Variants in TKTL1 observed in about 807,000 individuals in gnomAD.
The protein encoded by TKTL1 is transketolase like 1, also known as transketolase-like protein 1.
TKTL1 carries 1 observed loss-of-function variant against 39.3 expected under a neutral mutation model. The ratio of observed to expected loss-of-function variants is 0.03; its 90% CI spans 0.01 to 0.12. TKTL1 has a LOEUF of 0.12. Ranked by LOEUF, TKTL1 falls within the 10% of genes least tolerant of loss-of-function variation. The pLI is 1.00. For missense variants in TKTL1, 575 were observed against 509.6 expected (o/e 1.13, Z -1.24); for synonymous variants, 262 against 193.8 (o/e 1.35, Z -2.92).
rs781978354 is a variant in TKTL1 at position 154,312,572 on chromosome X, C to T, written c.671-8C>T. 2.5e-6 allele frequency: 3 copies of T among 1,202,369 alleles called. No homozygotes were observed. The highest frequency in any genetic ancestry group is 1.7e-5 in the African/African-American group (1 of 57,501). On this transcript the variant is annotated splice_polypyrimidine_tract_variant and splice_region_variant and intron_variant, in intron 5 of 12. Coordinates refer to ENST00000369915, the MANE Select transcript of TKTL1 (RefSeq NM_012253.4). ...TGGAATGGATGTCTTTTGTTTGTTT[C>T]ATTACAGGTATTGAGGATGCAGAAA... is the stretch of plus-strand genomic sequence containing the variant.
At chrX:154,326,575 T>C (rs1307544700) in intron 10 of TKTL1, among the ~76,000 whole-genome samples, 1 of 112,441 alleles carries the variant, frequency 8.9e-6, no homozygotes, top group African/African-American at 3.2e-5. Flanking sequence ...AGCAGGTGTT[T>C]CCAGAACTGT....
rs975423508 is a variant in TKTL1 at position 154,315,280 on chromosome X, A to G, written c.972A>G (p.Ile324Met). ...GDTRYSTFSE[I>M]FNKEYPERFI... Reference sequence around the variant, plus strand: ...CCAGGTACTCTACTTTCTCTGAGATATTCAACAAGGAGTACCCTGAGCGCT... The same window carrying G: ...CCAGGTACTCTACTTTCTCTGAGATGTTCAACAAGGAGTACCCTGAGCGCT... The change falls in exon 7 of 13, where the codon ATA becomes ATG. Residue 324 changes from isoleucine (I) to methionine (M), a missense_variant. Physicochemically the swap from Ile to Met is conservative, Grantham distance 10. Transcript: ENST00000369915. 3.3e-6 allele frequency: 4 copies of G among 1,209,457 alleles called. No homozygotes were observed. In the African/African-American group the frequency reaches 5.3e-5, roughly 16 times the overall value.
At chrX:154,299,402 A>G (rs1380354803) in intron 1 of TKTL1, among the ~76,000 whole-genome samples, 2 of 106,061 alleles carry the variant, frequency 1.9e-5, no homozygotes, top group African/African-American at 6.9e-5. Context: ...TGATCCGCCC[A>G]CCTCGGCTTC....
intron 1 of TKTL1, among the ~76,000 whole-genome samples, chrX:154,302,209 C>G (rs1380002030): frequency 9.2e-6 from 1 of 109,035 alleles, no homozygotes; most frequent in East Asian, 2.8e-4. Flanking sequence ...TTTTTTTTTG[C>G]AAAACAAAGC....
intron 8 of TKTL1, 97 bp downstream of exon 8, chrX:154,321,010 A>G: frequency 1.0e-6 from 1 of 979,575 alleles, no homozygotes; most frequent in Non-Finnish European, 1.4e-6. Flanking sequence ...TTATGGTTCC[A>G]TGAAGTTTGA....
In TKTL1 at chrX:154,320,738, C is replaced by G. The variant is rs374405985; in HGVS notation, c.1030-19C>G. 2 of 1,207,723 alleles carry G rather than the reference C, an allele frequency of 1.7e-6. No homozygotes were observed. The highest frequency in any genetic ancestry group is 1.8e-5 in the South Asian group (1 of 56,765). Reference sequence around the variant, plus strand: ...GGCAATGCCCAGGGATGTTCTGATTCATGTTCTCTGTGCTGCAGGTGAGCG... The same window carrying G: ...GGCAATGCCCAGGGATGTTCTGATTGATGTTCTCTGTGCTGCAGGTGAGCG... On this transcript the variant is annotated intron_variant, in intron 7 of 12. Coordinates refer to ENST00000369915, the MANE Select transcript of TKTL1 (RefSeq NM_012253.4).
intron 7 of TKTL1, among the ~76,000 whole-genome samples, chrX:154,317,667 A>G (rs1224264101): frequency 1.8e-5 from 2 of 112,585 alleles, no homozygotes; most frequent in East Asian, 2.8e-4. Flanking sequence ...AAGGGAGGAG[A>G]AGGAGAGGGT....
At chrX:154,323,422 C>G (rs1557171317) in intron 9 of TKTL1, 85 bp downstream of exon 9, 1 of 1,043,474 alleles carries the variant, frequency 9.6e-7, no homozygotes, top group African/African-American at 1.9e-5. Context: ...TTTTTTTTCT[C>G]AACATAAAAG....
chrX:154,312,813 C>T, intron 6 of TKTL1, 40 bp downstream of exon 6: 2 of 1,126,272 alleles, frequency 1.8e-6, no homozygotes, highest in Non-Finnish European at 2.4e-6. Flanking sequence ...TCAGATACGT[C>T]AACTGCTTTG....
At chrX:154,327,063 C>CT (rs1194771069) in intron 10 of TKTL1, 24 of 178,811 alleles carry the variant, frequency 1.3e-4, no homozygotes, top group African/African-American at 7.2e-4. Context: ...CCCAGGAACT[C>CT]TGTCTTTGCT....
At chrX:154,305,679 G>C (rs1218252249) in intron 2 of TKTL1, among the ~76,000 whole-genome samples, 1 of 110,654 alleles carries the variant, frequency 9.0e-6, no homozygotes, top group Non-Finnish European at 1.9e-5. Flanking sequence ...TAGCACGAAC[G>C]CTTCCCCCAT....
chrX:154,303,881 G>T (rs1247135423), intron 1 of TKTL1, among the ~76,000 whole-genome samples: 1 of 104,083 alleles, frequency 9.6e-6, no homozygotes, highest in Non-Finnish European at 2.0e-5. Flanking sequence ...CGTGTTCTCT[G>T]ATACCCAGTA....
At chrX:154,322,229 C>CA (rs34229834) in intron 8 of TKTL1, among the ~76,000 whole-genome samples, 14,666 of 41,681 alleles carry the variant, frequency 0.35, 2,285 homozygotes, top group Middle Eastern at 0.5. Flanking sequence ...GAGGCTTTGT[C>CA]AAAAAAAAAA....
chrX:154,315,174 T>C lies in TKTL1; in HGVS notation c.866T>C (p.Ile289Thr), dbSNP rs782143037. Residue 289 changes from isoleucine to threonine, a missense_variant and splice_region_variant, in exon 7 of 13, where the codon ATA becomes ACA. By Grantham distance (89) the Ile-to-Thr change is moderately conservative. Transcript: ENST00000369915. The part of the protein sequence containing the change: ...SPPDYRVGDK[I>T]ATRKACGLAL... ...CACCTGATTGTCTCTGTCTTCTAGA[T>C]AGCTACTCGGAAAGCATGCGGTCTG... 1 of 1,210,080 alleles carries C rather than the reference T, an allele frequency of 8.3e-7. No homozygotes were observed. Among genetic ancestry groups the C allele is most frequent in the Non-Finnish European group, 1.1e-6 (1 of 894,510 alleles).
At chrX:154,304,128 C>T (rs2067296807) in intron 1 of TKTL1, among the ~76,000 whole-genome samples, 1 of 110,472 alleles carries the variant, frequency 9.1e-6, no homozygotes, top group Non-Finnish European at 1.9e-5. Context: ...TTTCCAATTA[C>T]TTCCTTCTCG....
chrX:154,329,806 C>T lies in TKTL1; in HGVS notation c.*118C>T, dbSNP rs2067523631. On this transcript the variant is annotated 3_prime_UTR_variant, in exon 13 of 13. Coordinates refer to ENST00000369915, the MANE Select transcript of TKTL1 (RefSeq NM_012253.4). ...TCTTAAAAGCAAAGCCAGCTAACAC[C>T]TTCATTCATCCCTAGTTCGGAAATT... 30 of 817,045 alleles carry T rather than the reference C, an allele frequency of 3.7e-5. No individual in the cohort carries two copies. The highest frequency in any genetic ancestry group is 4.9e-5 in the Non-Finnish European group (28 of 573,312). The allele number at this position is 817,045 out of a possible 1,213,427, so 67.3% of individuals were successfully genotyped here. A position where few individuals can be genotyped will look rare whatever the true frequency, so the allele number is the denominator to read the frequency against.
intron 1 of TKTL1, chrX:154,304,943 T>C (rs1002404112): frequency 1.7e-5 from 15 of 888,618 alleles, no homozygotes; most frequent in Non-Finnish European, 2.2e-5. Context: ...GAAGGTAGAA[T>C]GGGATCTTCA....
rs782440897 is a variant in TKTL1 at position 154,295,943 on chromosome X, C to A, written c.84C>A (p.Ala28=). 6.7e-5 allele frequency: 81 copies of A among 1,210,280 alleles called. No individual in the cohort carries two copies. Among genetic ancestry groups the A allele is most frequent in the Non-Finnish European group, 8.8e-5 (79 of 895,228 alleles). ...CCTTGCAGGTGTTGCAAGATATGGC[C>A]AGCCGCTTGCGAATCCATTCCATCA... The part of the protein sequence containing the change: ...RGTLQVLQDM[A]SRLRIHSIRA... The change falls in exon 1 of 13, where the codon GCC becomes GCA. Residue 28 remains alanine, a synonymous_variant. Coordinates refer to ENST00000369915, the MANE Select transcript of TKTL1 (RefSeq NM_012253.4).
In TKTL1 at chrX:154,310,266, G is replaced by A. The variant is rs782548568; in HGVS notation, c.351-570G>A. Among the ~76,000 whole-genome samples the A allele has an allele frequency of 3.6e-5, 4 of 110,158 alleles. No homozygotes were observed. The South Asian group carries it at 1.6e-3, about 44-fold the overall frequency. ...GAGGTCAGGAGTTCGAGACCAGCCT[G>A]GCCAACATGGCGAAACCGCCTCTCT... On this transcript the variant is annotated intron_variant, in intron 3 of 12. Transcript: ENST00000369915.
Sources: allele counts gnomAD v4.1 joint callset (sites outside exome capture counted in the v4.1 genomes callset), GRCh38; gene constraint gnomAD v4.1.1; transcripts MANE v1.5; gene names NCBI Gene and HGNC (gene_info 2026-07-23, HGNC 2026-07-21).